Variants in ARID1B observed in about 807,000 individuals in gnomAD.
The protein encoded by ARID1B is AT-rich interactive domain-containing protein 1B.
Under a neutral mutation model 212.3 loss-of-function variants are expected in ARID1B, and 30 were observed. The observed-to-expected ratio is 0.14, with a 90% CI of 0.11 to 0.19. ARID1B has a LOEUF of 0.19. ARID1B is among the 10% of genes least tolerant of loss of function. ARID1B has a pLI of 1.00. For synonymous variants in ARID1B, 1,402 were observed against 1,301.7 expected, an observed-to-expected ratio of 1.08 and a Z score of -1.66; for missense variants, 2,891 against 3,204.0, an observed-to-expected ratio of 0.90 and a Z score of 2.36.
At chr6:156,864,733 T>A (rs1316941694) in intron 2 of ARID1B, among the ~76,000 whole-genome samples, 1 of 152,192 alleles carries the variant, frequency 6.6e-6, no homozygotes, top group Non-Finnish European at 1.5e-5. Flanking sequence ...GATGATGATT[T>A]AGTACTCCCT....
At chr6:157,087,520 C>G (rs1422233852) in intron 5 of ARID1B, among the ~76,000 whole-genome samples, 2 of 152,272 alleles carry the variant, frequency 1.3e-5, no homozygotes, top group South Asian at 4.1e-4. Context: ...CAGGTACATG[C>G]GGAGCACTCA....
chr6:157,000,299 AG>A (rs1778833879), intron 4 of ARID1B, among the ~76,000 whole-genome samples: 1 of 152,202 alleles, frequency 6.6e-6, no homozygotes, highest in Non-Finnish European at 1.5e-5. Flanking sequence ...ATAGCACTCC[AG>A]AAAAATCACT....
intron 5 of ARID1B, among the ~76,000 whole-genome samples, chr6:157,093,307 AC>A (rs1249290263): frequency 3.9e-5 from 6 of 152,152 alleles, no homozygotes; most frequent in Admixed American, 3.9e-4. Context: ...AAGGAACAAA[AC>A]CATTTTATAG....
chr6:156,803,201 T>G (rs1247004886), intron 1 of ARID1B, among the ~76,000 whole-genome samples: 6 of 152,232 alleles, frequency 3.9e-5, no homozygotes, highest in Non-Finnish European at 8.8e-5. Flanking sequence ...GGAATTTTCG[T>G]GCATGTGGTC....
At chr6:157,140,843 T>TC (rs1789292791) in intron 7 of ARID1B, 1 of 394,198 alleles carries the variant, frequency 2.5e-6, no homozygotes. Flanking sequence ...ATGGCTCCCT[T>TC]CCCCTCAGCA....
At chr6:157,085,022 A>G in intron 5 of ARID1B, 117 bp downstream of exon 5, 7 of 1,316,964 alleles carry the variant, frequency 5.3e-6, no homozygotes, top group African/African-American at 1.5e-5. Flanking sequence ...TATTAAGAGT[A>G]TAACTGAATT....
At chr6:156,825,579 G>A (rs1347255276) in intron 1 of ARID1B, among the ~76,000 whole-genome samples, 1 of 152,186 alleles carries the variant, frequency 6.6e-6, no homozygotes, top group African/African-American at 2.4e-5. Flanking sequence ...GTTATCTATA[G>A]CATTAAAACA....
chr6:156,940,950 TTGAA>T (rs1179239102), intron 4 of ARID1B: 1 of 152,208 alleles, frequency 6.6e-6, no homozygotes, highest in African/African-American at 2.4e-5. Flanking sequence ...TGTATGGCTA[TTGAA>T]TGAAGTATTT....
intron 7 of ARID1B, among the ~76,000 whole-genome samples, chr6:157,137,047 G>C (rs1166571708): frequency 6.6e-6 from 1 of 152,010 alleles, no homozygotes; most frequent in Non-Finnish European, 1.5e-5. Flanking sequence ...CAGTTGTGAT[G>C]GCACACACAT....
intron 4 of ARID1B, among the ~76,000 whole-genome samples, chr6:156,987,493 G>A (rs999186635): frequency 3.9e-5 from 6 of 152,072 alleles, no homozygotes; most frequent in African/African-American, 1.2e-4. Context: ...ACTGCACCCG[G>A]CTAATTTTTT....
At chr6:157,063,801 G>T (rs1012953006) in intron 4 of ARID1B, among the ~76,000 whole-genome samples, 3 of 152,178 alleles carry the variant, frequency 2.0e-5, no homozygotes, top group Non-Finnish European at 4.4e-5. Context: ...ACTTATCACA[G>T]GGTGACATTC....
chr6:156,985,043 A>G (rs1197425501), intron 4 of ARID1B: 6 of 152,224 alleles, frequency 3.9e-5, no homozygotes, highest in African/African-American at 1.4e-4. Flanking sequence ...ATTTCCAAAT[A>G]AAAGTAGGTT....
At chr6:157,084,143 C>CCCCA (rs1491409726) in intron 4 of ARID1B, among the ~76,000 whole-genome samples, 5 of 134,308 alleles carry the variant, frequency 3.7e-5, no homozygotes, top group African/African-American at 1.4e-4. Flanking sequence ...ACCTCCCCCC[C>CCCCA]AAAAAAAAAA....
At chr6:156,790,682 A>G (rs1297433449) in intron 1 of ARID1B, among the ~76,000 whole-genome samples, 1 of 152,196 alleles carries the variant, frequency 6.6e-6, no homozygotes, top group East Asian at 1.9e-4. Flanking sequence ...CTTAGTGCCA[A>G]CTGCCTTTAA....
chr6:156,876,952 T>TG (rs1170497250), intron 2 of ARID1B, among the ~76,000 whole-genome samples: 1 of 152,194 alleles, frequency 6.6e-6, no homozygotes, highest in Non-Finnish European at 1.5e-5. Context: ...TGGAGTGCAG[T>TG]GGCGTGATCT....
At chr6:157,186,698 A>G in intron 13 of ARID1B, 1 of 354,450 alleles carries the variant, frequency 2.8e-6, no homozygotes, top group Non-Finnish European at 5.7e-6. Context: ...CTTTGAAGTC[A>G]CTTTTTCCTG....
chr6:156,919,586 A>G (rs1449281714), intron 3 of ARID1B, among the ~76,000 whole-genome samples: 1 of 152,238 alleles, frequency 6.6e-6, no homozygotes. Flanking sequence ...TGCTTAGCCC[A>G]GTTTAACTGA....
At chr6:156,969,203 A>G (rs759464089) in intron 4 of ARID1B, among the ~76,000 whole-genome samples, 3 of 152,218 alleles carry the variant, frequency 2.0e-5, no homozygotes, top group Non-Finnish European at 2.9e-5. Context: ...CTGAGTAAAG[A>G]CATATCTTGC....
chr6:157,000,286 T>C (rs968855702), intron 4 of ARID1B, among the ~76,000 whole-genome samples: 2 of 152,190 alleles, frequency 1.3e-5, no homozygotes, highest in Non-Finnish European at 1.5e-5. Flanking sequence ...GCCATGTTTC[T>C]GAATAGCACT....
Sources: allele counts gnomAD v4.1 joint callset (sites outside exome capture counted in the v4.1 genomes callset), GRCh38; gene constraint gnomAD v4.1.1; transcripts MANE v1.5; gene names NCBI Gene and HGNC (gene_info 2026-07-23, HGNC 2026-07-21).